The following CSMD1 variants were observed in gnomAD, a reference collection of about 807,000 sequenced individuals.
CSMD1 encodes CUB and sushi domain-containing protein 1.
CSMD1 carries 213 observed loss-of-function variants against 417.5 expected under a neutral mutation model. That is an observed-to-expected ratio of 0.51 (90% CI 0.46 to 0.57). The LOEUF is 0.57. Among genes scored for constraint, CSMD1 ranks in the 20% least tolerant of loss-of-function variants. The pLI, the probability that CSMD1 is intolerant of heterozygous loss-of-function variation, is 0.00. For missense variants in CSMD1, 6,923 were observed against 4,529.7 expected (o/e 1.53, Z -15.17); for synonymous variants, 2,862 against 1,736.8 (o/e 1.65, Z -16.11).
At chr8:4,308,427 C>G (rs1347023208) in intron 3 of CSMD1, among the ~76,000 whole-genome samples, 1 of 151,704 alleles carries the variant, frequency 6.6e-6, no homozygotes, top group African/African-American at 2.4e-5. Context: ...TGTGGAAAGT[C>G]TGATGATGGG....
intron 6 of CSMD1, among the ~76,000 whole-genome samples, chr8:3,723,538 T>A (rs779171368): frequency 3.9e-5 from 6 of 152,198 alleles, no homozygotes; most frequent in Non-Finnish European, 7.3e-5. Flanking sequence ...TACTTAAAAA[T>A]GAACAGTCAG....
At chr8:3,710,262 C>G (rs1398654026) in intron 6 of CSMD1, among the ~76,000 whole-genome samples, 1 of 152,042 alleles carries the variant, frequency 6.6e-6, no homozygotes, top group Non-Finnish European at 1.5e-5. Context: ...CAGTTTAAAC[C>G]TATGCTGCTC....
chr8:3,636,571 T>C lies in CSMD1; in HGVS notation c.1010-19774A>G, dbSNP rs555372852. Among the ~76,000 whole-genome samples the C allele has an allele frequency of 3.3e-5, 5 of 152,344 alleles. No homozygotes were observed. In the South Asian group the frequency reaches 6.2e-4, roughly 19 times the overall value. On this transcript the variant is annotated intron_variant, in intron 7 of 69. Transcript: ENST00000635120. ...CCTGAGGAATGTACATGTAACTTTA[T>C]GCTGGTCATGAAACGGAATGTGAAA... is the stretch of plus-strand genomic sequence containing the variant.
At chr8:4,610,029 A>G (rs991144517) in intron 2 of CSMD1, among the ~76,000 whole-genome samples, 7 of 127,610 alleles carry the variant, frequency 5.5e-5, no homozygotes, top group East Asian at 2.0e-4. Context: ...AGGGTTCAGG[A>G]AAAAAAAAAA....
intron 5 of CSMD1, among the ~76,000 whole-genome samples, chr8:3,929,577 A>G (rs924632334): frequency 2.0e-5 from 3 of 150,722 alleles, no homozygotes; most frequent in African/African-American, 7.3e-5. Context: ...ATTTCATGTT[A>G]TAAGATAAAA....
chr8:3,400,559 T>C (rs12676270), intron 15 of CSMD1, among the ~76,000 whole-genome samples: 4,836 of 152,084 alleles, frequency 0.032, 277 homozygotes, highest in East Asian at 0.21. Context: ...AAAGCAAAAA[T>C]TTATGGAAAC....
At position 4,936,869 on chromosome 8, in the gene CSMD1, G is replaced by GT. The variant is rs545383340; in HGVS notation, c.85+57462dup. Among the ~76,000 whole-genome samples, 720 of 152,186 alleles carry GT rather than the reference G, an allele frequency of 4.7e-3. 8 individuals carry two copies. Among genetic ancestry groups the GT allele is most frequent in the African/African-American group, 0.016 (676 of 41,520 alleles). On this transcript the variant is annotated intron_variant, in intron 1 of 69. Coordinates refer to ENST00000635120, the MANE Select transcript of CSMD1 (RefSeq NM_033225.6). ...CATAAAACACTATTATTTTGACTAG[G>GT]TTTTTTGTTCAAATTATTATTTTCT...
At chr8:2,981,598 G>A (rs1047809761) in intron 54 of CSMD1, among the ~76,000 whole-genome samples, 1 of 152,080 alleles carries the variant, frequency 6.6e-6, no homozygotes, top group Non-Finnish European at 1.5e-5. Flanking sequence ...CAGCTGGGAG[G>A]AATGAGAACA....
intron 10 of CSMD1, among the ~76,000 whole-genome samples, chr8:3,562,368 A>T (rs1193908713): frequency 6.6e-6 from 1 of 152,134 alleles, no homozygotes; most frequent in Non-Finnish European, 1.5e-5. Context: ...GGACACACAC[A>T]CACATGCACA....
intron 3 of CSMD1, among the ~76,000 whole-genome samples, chr8:4,245,641 T>C (rs1447858060): frequency 2.0e-5 from 3 of 152,160 alleles, no homozygotes; most frequent in African/African-American, 7.2e-5. Flanking sequence ...CAAGGAAATC[T>C]TGAATTCAGA....
chr8:3,969,010 G>T (rs908660668), intron 5 of CSMD1, among the ~76,000 whole-genome samples: 1 of 152,168 alleles, frequency 6.6e-6, no homozygotes, highest in South Asian at 2.1e-4. Context: ...CAGCACTTTG[G>T]AAGGCCGAGG....
At position 3,238,135 on chromosome 8, in the gene CSMD1, G is replaced by T. The variant is rs186468581; in HGVS notation, c.4154-7904C>A. On this transcript the variant is annotated intron_variant, in intron 26 of 69. Coordinates refer to ENST00000635120, the MANE Select transcript of CSMD1 (RefSeq NM_033225.6). ...GGTGGGGCCGTTTTATAAGATTTGG[G>T]TACGTAAAGGAAAATTACAGTCAAA... 2.0e-5 allele frequency among the ~76,000 whole-genome samples: 3 copies of T among 151,996 alleles called. No individual in the cohort carries two copies. In the South Asian group the frequency reaches 6.2e-4, roughly 32 times the overall value.
intron 3 of CSMD1, among the ~76,000 whole-genome samples, chr8:4,387,472 G>A (rs559324039): frequency 2.8e-5 from 4 of 144,036 alleles, no homozygotes; most frequent in South Asian, 2.3e-4. Context: ...GAAGTTGAGT[G>A]TACTTTCATA....
chr8:3,710,092 A>G (rs973431245), intron 6 of CSMD1, among the ~76,000 whole-genome samples: 9 of 151,724 alleles, frequency 5.9e-5, no homozygotes, highest in Admixed American at 3.3e-4. Flanking sequence ...TCATATCTAC[A>G]TATATTTTAC....
intron 7 of CSMD1, among the ~76,000 whole-genome samples, chr8:3,644,966 G>GAAAAAAAAAAAAAAAAAAAAA (rs71203456): frequency 3.1e-5 from 2 of 64,542 alleles, no homozygotes; most frequent in African/African-American, 1.6e-4. Flanking sequence ...GGCTTTAAAT[G>GAAAAAAAAAAAAAAAAAAAAA]AAAAAAAAAA....
chr8:4,270,333 C>G (rs992252731), intron 3 of CSMD1, among the ~76,000 whole-genome samples: 3 of 151,640 alleles, frequency 2.0e-5, no homozygotes, highest in African/African-American at 7.3e-5. Context: ...ATTAACAAAC[C>G]ACGATTCACA....
intron 23 of CSMD1, among the ~76,000 whole-genome samples, chr8:3,328,171 G>A (rs902761325): frequency 1.3e-5 from 2 of 152,126 alleles, no homozygotes; most frequent in African/African-American, 2.4e-5. Context: ...CCTGGTTCTT[G>A]GATGCATCTC....
intron 1 of CSMD1, among the ~76,000 whole-genome samples, chr8:4,644,845 G>T (rs372187819): frequency 6.6e-6 from 1 of 152,210 alleles, no homozygotes; most frequent in Admixed American, 6.5e-5. Flanking sequence ...TTGTTTATAT[G>T]CCCATTTCTA....
chr8:4,388,303 TACACACACACACACACAG>T (rs1435784427), intron 3 of CSMD1, among the ~76,000 whole-genome samples: 28 of 117,210 alleles, frequency 2.4e-4, no homozygotes, highest in African/African-American at 8.7e-4. Flanking sequence ...GAAACTGTGA[TACACACACACACACACAG>T]ACACACACAC....
Sources: allele counts gnomAD v4.1 joint callset (sites outside exome capture counted in the v4.1 genomes callset), GRCh38; gene constraint gnomAD v4.1.1; transcripts MANE v1.5; gene names NCBI Gene and HGNC (gene_info 2026-07-23, HGNC 2026-07-21).